CLYBL: variants seen among roughly 807,000 people sequenced by gnomAD.
CLYBL encodes the protein citramalyl-CoA lyase, mitochondrial.
CLYBL carries 31 observed loss-of-function variants against 38.9 expected under a neutral mutation model. The ratio of observed to expected loss-of-function variants is 0.80; its 90% CI spans 0.60 to 1.08. CLYBL has a LOEUF of 1.08. Among genes scored for constraint, CLYBL ranks in the 50% least tolerant of loss-of-function variants. CLYBL has a pLI of 0.00. For missense variants in CLYBL, 434 were observed against 411.6 expected, an observed-to-expected ratio of 1.05 and a Z score of -0.47; for synonymous variants, 171 against 158.6, an observed-to-expected ratio of 1.08 and a Z score of -0.59.
chr13:99,627,895 A>T (rs1206582111), intron 1 of CLYBL, among the ~76,000 whole-genome samples: 1 of 152,228 alleles, frequency 6.6e-6, no homozygotes, highest in East Asian at 1.9e-4. Context: ...ATATACCTGC[A>T]CATGTGAATT....
chr13:99,885,457 C>T (rs921747344), intron 7 of CLYBL, among the ~76,000 whole-genome samples: 1 of 152,166 alleles, frequency 6.6e-6, no homozygotes, highest in Non-Finnish European at 1.5e-5. Context: ...TGGGTCTCCA[C>T]TGAAGATATT....
At chr13:99,881,300 T>C (rs956075406) in intron 7 of CLYBL, among the ~76,000 whole-genome samples, 5 of 152,212 alleles carry the variant, frequency 3.3e-5, no homozygotes, top group Admixed American at 6.5e-5. Flanking sequence ...GGCTGCTGAA[T>C]TTCAATTCAA....
chr13:99,765,849 CTTTTTTT>C (rs143574260), intron 1 of CLYBL, among the ~76,000 whole-genome samples: 1 of 126,184 alleles, frequency 7.9e-6, no homozygotes, highest in Non-Finnish European at 1.7e-5. Context: ...CAAGTCGAGT[CTTTTTTT>C]TTTTTTTTTT....
At chr13:99,725,371 A>G (rs2139544897) in intron 1 of CLYBL, among the ~76,000 whole-genome samples, 1 of 152,192 alleles carries the variant, frequency 6.6e-6, no homozygotes, top group East Asian at 1.9e-4. Context: ...CTCAAGGGGA[A>G]CAAAAGAAAA....
intron 1 of CLYBL, among the ~76,000 whole-genome samples, chr13:99,613,377 G>A (rs548208226): frequency 2.9e-4 from 44 of 152,336 alleles, no homozygotes; most frequent in African/African-American, 9.6e-4. Flanking sequence ...TGGGTCAACA[G>A]GAAGGGGACA....
At chr13:99,900,416 C>T (rs2052628626), downstream of CLYBL, among the ~76,000 whole-genome samples, 1 of 152,108 alleles carries the variant, frequency 6.6e-6, no homozygotes, top group Non-Finnish European at 1.5e-5. Context: ...GGAAGTTTCT[C>T]TCGGTGCTGG....
At chr13:99,616,428 C>T (rs1218666595) in intron 1 of CLYBL, among the ~76,000 whole-genome samples, 1 of 152,122 alleles carries the variant, frequency 6.6e-6, no homozygotes, top group Non-Finnish European at 1.5e-5. Context: ...TGTGTATAAC[C>T]ACAGTTGTTC....
At chr13:99,877,339 C>T (rs2052070371) in intron 7 of CLYBL, among the ~76,000 whole-genome samples, 1 of 152,074 alleles carries the variant, frequency 6.6e-6, no homozygotes, top group South Asian at 2.1e-4. Context: ...TGTATTTCTC[C>T]CTCTAAGGAT....
intron 1 of CLYBL, among the ~76,000 whole-genome samples, chr13:99,620,941 G>A (rs1472086314): frequency 6.6e-6 from 1 of 152,148 alleles, no homozygotes; most frequent in Non-Finnish European, 1.5e-5. Context: ...AAGAGAATAT[G>A]GGTATAGGAG....
chr13:99,700,052 A>G (rs2048041127), intron 1 of CLYBL, among the ~76,000 whole-genome samples: 1 of 152,110 alleles, frequency 6.6e-6, no homozygotes, highest in Admixed American at 6.5e-5. Flanking sequence ...ATGTTACTGC[A>G]CTTTCCCATT....
At chr13:99,861,525 T>C (rs775764316) in intron 3 of CLYBL, among the ~76,000 whole-genome samples, 3 of 152,220 alleles carry the variant, frequency 2.0e-5, no homozygotes, top group Non-Finnish European at 2.9e-5. Context: ...AAATAAATTA[T>C]ATTTTATTTT....
intron 1 of CLYBL, among the ~76,000 whole-genome samples, chr13:99,742,651 T>C (rs2139604860): frequency 6.6e-6 from 1 of 152,360 alleles, no homozygotes; most frequent in South Asian, 2.1e-4. Context: ...AAAGTACTTT[T>C]CACATCTTGC....
At chr13:99,876,793 G>A (rs2052054380) in intron 7 of CLYBL, among the ~76,000 whole-genome samples, 1 of 152,200 alleles carries the variant, frequency 6.6e-6, no homozygotes, top group African/African-American at 2.4e-5. Context: ...TGTGTCTTCA[G>A]TTGAATATTA....
chr13:99,672,208 T>C (rs571875968), intron 1 of CLYBL, among the ~76,000 whole-genome samples: 3 of 151,104 alleles, frequency 2.0e-5, no homozygotes, highest in East Asian at 3.9e-4. Flanking sequence ...TTTTCTTTTT[T>C]TTTTTTTTGA....
chr13:99,862,868 G>T, intron 3 of CLYBL, 123 bp from the exon 4 acceptor site: 1 of 439,238 alleles, frequency 2.3e-6, no homozygotes, highest in Middle Eastern at 3.4e-4. Flanking sequence ...ATTCTTTTGT[G>T]TGGACGAAAG....
chr13:99,763,150 A>G (rs1432912408), intron 1 of CLYBL, among the ~76,000 whole-genome samples: 1 of 152,126 alleles, frequency 6.6e-6, no homozygotes, highest in Non-Finnish European at 1.5e-5. Flanking sequence ...CAGTTTGGAT[A>G]CCCTTTATTT....
rs111594901 is a variant in CLYBL at position 99,708,563 on chromosome 13, C to T, written c.63-64261C>T. Among the ~76,000 whole-genome samples, 38 of 152,268 alleles carry T rather than the reference C, an allele frequency of 2.5e-4. 1 individual carries two copies. Among genetic ancestry groups the T allele is most frequent in the African/African-American group, 8.9e-4 (37 of 41,556 alleles). ...CAGCTGGTTGACCTTGGGCAAATTACTTAGCTTCTCTGTGCCTCATTTCTT... is the reference window on the plus strand; with the variant it reads ...CAGCTGGTTGACCTTGGGCAAATTATTTAGCTTCTCTGTGCCTCATTTCTT... On this transcript the variant is annotated intron_variant, in intron 1 of 8. Coordinates refer to ENST00000339105, the MANE Select transcript of CLYBL (RefSeq NM_206808.5).
intron 2 of CLYBL, 31 bp from the exon 3 acceptor site, chr13:99,858,830 T>TAAAC: frequency 1.3e-6 from 2 of 1,524,148 alleles, no homozygotes; most frequent in Non-Finnish European, 1.8e-6. Flanking sequence ...ATGATAAAAA[T>TAAAC]AAACAATAAA....
At chr13:99,704,993 A>G (rs1408445337) in intron 1 of CLYBL, among the ~76,000 whole-genome samples, 1 of 152,192 alleles carries the variant, frequency 6.6e-6, no homozygotes. Context: ...ATCTATTTAC[A>G]ACATTATGTT....
Sources: gnomAD v4.1 joint callset for allele counts (sites outside exome capture counted in the v4.1 genomes callset) on GRCh38, gnomAD v4.1.1 for gene constraint, MANE v1.5 for transcripts, NCBI Gene and HGNC (gene_info 2026-07-23, HGNC 2026-07-21) for gene names.